The following FGD4 variants were observed in gnomAD, a reference collection of about 807,000 sequenced individuals.
FGD4 encodes FYVE, RhoGEF and PH domain containing 4, also known as FYVE, RhoGEF and PH domain-containing protein 4.
Under a neutral mutation model 102.0 loss-of-function variants are expected in FGD4, and 42 were observed. The observed-to-expected ratio is 0.41, with a 90% CI of 0.32 to 0.53. The LOEUF (loss-of-function observed/expected upper bound fraction) is 0.53. Ranked by LOEUF, FGD4 falls within the 20% of genes least tolerant of loss-of-function variation. The pLI, the probability that FGD4 is intolerant of heterozygous loss-of-function variation, is 0.21. For synonymous variants in FGD4, 380 were observed against 375.7 expected, an observed-to-expected ratio of 1.01 and a Z score of -0.13; for missense variants, 902 against 1,078.2, an observed-to-expected ratio of 0.84 and a Z score of 2.29.
intron 1 of FGD4, among the ~76,000 whole-genome samples, chr12:32,458,832 G>C (rs1943020632): frequency 6.6e-6 from 1 of 152,142 alleles, no homozygotes; most frequent in Admixed American, 6.5e-5. Context: ...GAATTTGGAG[G>C]GAGTTTTTGT....
intron 1 of FGD4, among the ~76,000 whole-genome samples, chr12:32,459,821 C>A (rs1369327706): frequency 1.3e-5 from 2 of 151,952 alleles, no homozygotes; most frequent in African/African-American, 4.8e-5. Context: ...GCCTCAGCCT[C>A]CTCAGTAGCT....
chr12:32,599,183 T>A (rs1948146050), intron 5 of FGD4, among the ~76,000 whole-genome samples: 1 of 152,128 alleles, frequency 6.6e-6, no homozygotes, highest in African/African-American at 2.4e-5. Context: ...ACTTGGAAAG[T>A]CTAAGAACAT....
At chr12:32,561,894 T>C (rs1325875657) in intron 1 of FGD4, among the ~76,000 whole-genome samples, 1 of 152,238 alleles carries the variant, frequency 6.6e-6, no homozygotes, top group East Asian at 1.9e-4. Flanking sequence ...TGTGACCATG[T>C]TATCTGTATA....
intron 1 of FGD4, among the ~76,000 whole-genome samples, chr12:32,470,050 C>T (rs1308751626): frequency 6.6e-6 from 1 of 152,072 alleles, no homozygotes; most frequent in African/African-American, 2.4e-5. Context: ...AGAGCAGATA[C>T]ACTTGTCATT....
At chr12:32,487,789 A>T (rs1591995726) in intron 1 of FGD4, among the ~76,000 whole-genome samples, 1 of 151,770 alleles carries the variant, frequency 6.6e-6, no homozygotes, top group Non-Finnish European at 1.5e-5. Context: ...TTGGACTTGA[A>T]CTCCTGGGCT....
At chr12:32,521,584 A>G (rs979029833) in intron 1 of FGD4, among the ~76,000 whole-genome samples, 1 of 152,190 alleles carries the variant, frequency 6.6e-6, no homozygotes, top group Admixed American at 6.5e-5. Flanking sequence ...TGTATACTAT[A>G]TTGAGTCCCA....
rs1818051427 is a variant in FGD4 at position 32,506,724 on chromosome 12, C to T, written c.167-57413C>T. Among the ~76,000 whole-genome samples the T allele has an allele frequency of 6.6e-6, 1 of 152,186 alleles. No homozygotes were observed. Among genetic ancestry groups the T allele is most frequent in the African/African-American group, 2.4e-5 (1 of 41,426 alleles). Reference sequence around the variant, plus strand: ...TCATCAGATATTTCTTGCACATTTACTCTATGCCATTCCTATTGCGATGTG... The same window carrying T: ...TCATCAGATATTTCTTGCACATTTATTCTATGCCATTCCTATTGCGATGTG... On this transcript the variant is annotated intron_variant, in intron 1 of 16. Transcript: ENST00000534526. This position sits in a 1 kb window ranked among gnomAD's most constrained non-coding sequence, Gnocchi z 4.5.
intron 15 of FGD4, 32 bp from the exon 16 acceptor site, chr12:32,638,623 G>A (rs1316110300): frequency 6.2e-7 from 1 of 1,613,352 alleles, no homozygotes; most frequent in African/African-American, 1.3e-5. Context: ...TTTGTTGTGT[G>A]TTCATTCTGT....
At chr12:32,546,666 A>G (rs1943247889) in intron 1 of FGD4, among the ~76,000 whole-genome samples, 1 of 152,242 alleles carries the variant, frequency 6.6e-6, no homozygotes. Flanking sequence ...GGAGGGAAGT[A>G]GGACTTGACT....
At chr12:32,404,622 G>A (rs1380563031) in intron 1 of FGD4, among the ~76,000 whole-genome samples, 1 of 152,058 alleles carries the variant, frequency 6.6e-6, no homozygotes, top group Non-Finnish European at 1.5e-5. Flanking sequence ...CTGTTCTTAA[G>A]GTTTTCCAGG....
intron 1 of FGD4, among the ~76,000 whole-genome samples, chr12:32,419,247 T>A (rs976877672): frequency 2.6e-5 from 4 of 152,192 alleles, no homozygotes; most frequent in Non-Finnish European, 5.9e-5. Flanking sequence ...TCCCCCTGCT[T>A]TTCTCAAACA....
At chr12:32,406,399 C>T (rs1940936222) in intron 1 of FGD4, among the ~76,000 whole-genome samples, 1 of 151,222 alleles carries the variant, frequency 6.6e-6, no homozygotes. Flanking sequence ...ACTAAAAATA[C>T]AAAAATTAGC....
chr12:32,446,728 G>A (rs140751098), intron 1 of FGD4, among the ~76,000 whole-genome samples: 32 of 152,240 alleles, frequency 2.1e-4, no homozygotes, highest in African/African-American at 4.8e-4. Context: ...AACAGCATGC[G>A]CGTGATTCTG....
chr12:32,618,246 A>G (rs925506698), intron 10 of FGD4, among the ~76,000 whole-genome samples: 2 of 152,216 alleles, frequency 1.3e-5, no homozygotes, highest in African/African-American at 4.8e-5. Context: ...TGCAGGAACA[A>G]TTTGGTTATT....
At chr12:32,622,937 G>A (rs1316756624) in intron 11 of FGD4, among the ~76,000 whole-genome samples, 2 of 152,180 alleles carry the variant, frequency 1.3e-5, no homozygotes, top group Non-Finnish European at 2.9e-5. Context: ...TTCCAAGAAA[G>A]TCAGAGTGCC....
chr12:32,612,379 G>T (rs1017946173), intron 10 of FGD4, among the ~76,000 whole-genome samples: 1 of 152,184 alleles, frequency 6.6e-6, no homozygotes, highest in Non-Finnish European at 1.5e-5. Context: ...TGGGCTGGTA[G>T]CACAAACCAA....
chr12:32,443,500 C>T (rs1942512949), intron 1 of FGD4, among the ~76,000 whole-genome samples: 1 of 151,226 alleles, frequency 6.6e-6, no homozygotes, highest in African/African-American at 2.4e-5. Flanking sequence ...ACAGGCATGC[C>T]ACTACCATGC....
At chr12:32,417,555 TAA>T (rs1400132388) in intron 1 of FGD4, among the ~76,000 whole-genome samples, 1 of 151,950 alleles carries the variant, frequency 6.6e-6, no homozygotes, top group Non-Finnish European at 1.5e-5. Context: ...CCTCCCAGGT[TAA>T]AGTGATTCTC....
intron 1 of FGD4, among the ~76,000 whole-genome samples, chr12:32,527,958 TTTTTTC>T (rs141794437): frequency 0.029 from 4,427 of 152,160 alleles, 203 homozygotes; most frequent in African/African-American, 0.099. Flanking sequence ...TTCCTTTTTC[TTTTTTC>T]TTTTTCTTTT....
Sources: allele counts gnomAD v4.1 joint callset (sites outside exome capture counted in the v4.1 genomes callset), GRCh38; gene constraint gnomAD v4.1.1; non-coding constraint Gnocchi (gnomAD v3.1); transcripts MANE v1.5; gene names NCBI Gene and HGNC (gene_info 2026-07-23, HGNC 2026-07-21).